Variants in STX17 observed in about 807,000 individuals in gnomAD.
STX17 encodes syntaxin-17.
In STX17, 29 loss-of-function variants were observed where a neutral mutation model predicts 35.9. The observed-to-expected ratio is 0.81, with a 90% CI of 0.60 to 1.10. The LOEUF (loss-of-function observed/expected upper bound fraction) is 1.10, where lower values mean the gene tolerates loss of function less well. Ranked by LOEUF, STX17 falls within the 50% of genes least tolerant of loss-of-function variation. The pLI is 0.00. For synonymous variants in STX17, 92 were observed against 118.3 expected (o/e 0.78, Z 1.44); for missense variants, 312 against 352.3 (o/e 0.89, Z 0.92).
chr9:99,926,505 C>CTT lies in STX17; in HGVS notation c.124-2262_124-2261dup, dbSNP rs551609742. ...AACAGTTTGATCCTTTTGAGTCTTT[C>CTT]TTTTTTTTTTTTGACAGAGTCTTGC... On this transcript the variant is annotated intron_variant, in intron 2 of 7. Transcript: ENST00000259400. 1.3e-4 allele frequency among the ~76,000 whole-genome samples: 19 copies of CTT among 145,092 alleles called. No homozygotes were observed. In the East Asian group the frequency reaches 3.4e-3, roughly 26 times the overall value.
rs1422383091 is a variant in STX17, at chr9:99,915,221, C to A, written c.-19C>A. 2 of 1,605,834 alleles carry A rather than the reference C, an allele frequency of 1.2e-6. No individual in the cohort carries two copies. Among genetic ancestry groups the A allele is most frequent in the South Asian group, 1.1e-5 (1 of 89,422 alleles). ...AGAAGACAGCTGTTACCAGGGAGGT[C>A]ATACAACATTTTTTTAGGATGTCTG... On this transcript the variant is annotated 5_prime_UTR_variant, in exon 2 of 8. Coordinates refer to ENST00000259400, the MANE Select transcript of STX17 (RefSeq NM_017919.3).
At chr9:99,915,076 T>G (rs1302874411) in intron 1 of STX17, 102 bp from the exon 2 acceptor site, 8 of 710,948 alleles carry the variant, frequency 1.1e-5, no homozygotes, top group African/African-American at 1.9e-5. Context: ...ATTAGAAATA[T>G]TCTATTTATT....
chr9:99,951,280 T>C lies in STX17; in HGVS notation c.410T>C (p.Val137Ala). 1 of 1,612,456 alleles carries C rather than the reference T, an allele frequency of 6.2e-7. No homozygotes were observed. Among genetic ancestry groups the C allele is most frequent in the Non-Finnish European group, 8.5e-7 (1 of 1,178,772 alleles). Residue 137 changes from valine to alanine, a missense_variant, in exon 4 of 8, where the codon GTT (valine) becomes GCT (alanine). Physicochemically the swap from Val to Ala is moderately conservative, Grantham distance 64 (BLOSUM62 0). Transcript: ENST00000259400. ...LQPPLTRSMT[V>A]GGAFHTTEAE... ...CCTCCTTTGACCAGATCCATGACTGTTGGTGGTAATGTATTGTGCTAAGTC... is the reference window on the plus strand; with the variant it reads ...CCTCCTTTGACCAGATCCATGACTGCTGGTGGTAATGTATTGTGCTAAGTC...
In STX17 at chr9:99,967,596, G is replaced by A. The variant is rs369202428; in HGVS notation, c.583-57G>A. 16 of 1,511,986 alleles carry A rather than the reference G, an allele frequency of 1.1e-5. No homozygotes were observed. The South Asian group carries it at 1.8e-4, about 17-fold the overall frequency. 93.7% of individuals were successfully genotyped at this position (1,511,986 alleles called of 1,614,324 possible). A position where few individuals can be genotyped will look rare whatever the true frequency, so the allele number is the denominator to read the frequency against. ...GATTACAGGAATTAAAATAGTGTGT[G>A]TTGGCTCCCTGCTGCTCCCCAGCAG... is the stretch of plus-strand genomic sequence containing the variant. On this transcript the variant is annotated intron_variant, in intron 6 of 7. Coordinates refer to ENST00000259400, the MANE Select transcript of STX17 (RefSeq NM_017919.3).
At chr9:99,938,241 C>T (rs1416129330) in intron 3 of STX17, among the ~76,000 whole-genome samples, 1 of 152,156 alleles carries the variant, frequency 6.6e-6, no homozygotes, top group Non-Finnish European at 1.5e-5. Flanking sequence ...TTCCAGGGCT[C>T]TCTCTCCCTG....
chr9:99,952,532 A>G (rs1829622906), intron 4 of STX17, among the ~76,000 whole-genome samples: 1 of 152,210 alleles, frequency 6.6e-6, no homozygotes, highest in African/African-American at 2.4e-5. Context: ...ATTACTGGGT[A>G]TATACCCAAA....
At chr9:99,951,340 A>G (rs1829590335) in intron 4 of STX17, 55 bp downstream of exon 4, 5 of 1,514,074 alleles carry the variant, frequency 3.3e-6, no homozygotes, top group East Asian at 4.5e-5. Context: ...TTAATTAAAG[A>G]TCACCTCCTT....
At chr9:99,942,841 T>G in intron 3 of STX17, among the ~76,000 whole-genome samples, 1 of 152,146 alleles carries the variant, frequency 6.6e-6, no homozygotes, top group East Asian at 1.9e-4. Flanking sequence ...GTAAGTCAAG[T>G]GCATTTATGT....
intron 4 of STX17, among the ~76,000 whole-genome samples, chr9:99,957,090 G>A (rs974593504): frequency 6.6e-6 from 1 of 152,110 alleles, no homozygotes; most frequent in South Asian, 2.1e-4. Context: ...CTTGTAACTT[G>A]TCTTTTACTT....
At chr9:99,957,381 G>A (rs1422216283) in intron 4 of STX17, among the ~76,000 whole-genome samples, 1 of 152,054 alleles carries the variant, frequency 6.6e-6, no homozygotes, top group East Asian at 1.9e-4. Context: ...CTTTTTGTAT[G>A]TCTGGCTCTT....
At chr9:99,942,715 G>A (rs747162793) in intron 3 of STX17, among the ~76,000 whole-genome samples, 2 of 152,068 alleles carry the variant, frequency 1.3e-5, no homozygotes, top group African/African-American at 4.8e-5. Context: ...TGTATATGGC[G>A]TGAAGTGGTA....
At chr9:99,949,451 A>T (rs1202628681) in intron 3 of STX17, among the ~76,000 whole-genome samples, 2 of 152,040 alleles carry the variant, frequency 1.3e-5, no homozygotes, top group Non-Finnish European at 2.9e-5. Context: ...ATAGATAGAC[A>T]TTATTATTAT....
rs1045004058 is a variant in STX17 at position 99,915,070 on chromosome 9, G to T, written c.-62-108G>T. On this transcript the variant is annotated intron_variant, in intron 1 of 7. Transcript: ENST00000259400. ...AACAAGTCACTCAAGGTCAGCATTA[G>T]AAATATTCTATTTATTGATTTAGAA... is the stretch of plus-strand genomic sequence containing the variant. The T allele has an allele frequency of 1.1e-4, 71 of 671,868 alleles. No homozygotes were observed. In the African/African-American group the frequency reaches 1.3e-3, roughly 13 times the overall value. 41.6% of individuals were successfully genotyped at this position (671,868 alleles called of 1,614,324 possible). A position where few individuals can be genotyped will look rare whatever the true frequency, so the allele number is the denominator to read the frequency against.
intron 2 of STX17, 89 bp downstream of exon 2, chr9:99,915,451 T>C: frequency 6.9e-7 from 1 of 1,454,160 alleles, no homozygotes; most frequent in Non-Finnish European, 9.1e-7. Context: ...GAATATTAGA[T>C]AAGAGGCATT....
chr9:99,934,337 G>A (rs910951887), intron 3 of STX17, among the ~76,000 whole-genome samples: 6 of 152,112 alleles, frequency 3.9e-5, no homozygotes, highest in African/African-American at 7.2e-5. Context: ...ATAGGGATTC[G>A]AGTGCTACAC....
chr9:99,935,353 A>C (rs1829211597), intron 3 of STX17, among the ~76,000 whole-genome samples: 1 of 150,688 alleles, frequency 6.6e-6, no homozygotes, highest in African/African-American at 2.4e-5. Flanking sequence ...AAAAAAGAAA[A>C]AGTGTAGCTA....
chr9:99,967,464 AC>A (rs34436605), intron 6 of STX17, 188 bp from the exon 7 acceptor site: 22 of 290,416 alleles, frequency 7.6e-5, no homozygotes, highest in Middle Eastern at 9.9e-4. Context: ...AATAATTAAG[AC>A]CCCCCCCTTT....
chr9:99,935,247 G>A (rs536100080), intron 3 of STX17, among the ~76,000 whole-genome samples: 9 of 150,502 alleles, frequency 6.0e-5, no homozygotes, highest in Non-Finnish European at 7.4e-5. Context: ...GGAGAATGGC[G>A]TGAACCCAGG....
At chr9:99,966,458 A>C (rs1829911668) in intron 6 of STX17, among the ~76,000 whole-genome samples, 1 of 152,242 alleles carries the variant, frequency 6.6e-6, no homozygotes, top group Non-Finnish European at 1.5e-5. Context: ...GGTTGGAATT[A>C]GAAAAGTGTT....
Sources: gnomAD v4.1 joint callset for allele counts (sites outside exome capture counted in the v4.1 genomes callset) on GRCh38, gnomAD v4.1.1 for gene constraint, MANE v1.5 for transcripts, NCBI Gene and HGNC (gene_info 2026-07-23, HGNC 2026-07-21) for gene names.